Variants in TAB1 observed in about 807,000 individuals in gnomAD.
TAB1 encodes TGF-beta activated kinase 1 (MAP3K7) binding protein 1, also known as TGF-beta-activated kinase 1 and MAP3K7-binding protein 1.
In TAB1, 30 loss-of-function variants were observed where a neutral mutation model predicts 54.5. That is an observed-to-expected ratio of 0.55 (90% CI 0.41 to 0.75). The LOEUF is 0.75. Among genes scored for constraint, TAB1 ranks in the 30% least tolerant of loss-of-function variants. TAB1 has a pLI of 0.00. For synonymous variants in TAB1, 289 were observed against 286.9 expected (o/e 1.01, Z -0.07); for missense variants, 609 against 683.2 (o/e 0.89, Z 1.21).
At chr22:39,433,354 G>T, downstream of TAB1, 5 of 805,142 alleles carry the variant, frequency 6.2e-6, no homozygotes, top group Non-Finnish European at 7.5e-6. Context: ...TGGAGGCTGA[G>T]GCAGGAGAAT....
downstream of TAB1, among the ~76,000 whole-genome samples, chr22:39,436,144 G>A (rs1222686160): frequency 2.0e-5 from 3 of 151,254 alleles, no homozygotes; most frequent in Non-Finnish European, 4.4e-5. Flanking sequence ...ATACAAAAAA[G>A]TAGCCAGGCG....
chr22:39,433,811 T>C (rs1601704822), downstream of TAB1: 6 of 985,440 alleles, frequency 6.1e-6, no homozygotes, highest in Non-Finnish European at 7.2e-6. Flanking sequence ...TTTGCGGGGC[T>C]AGTTCCTTCT....
At chr22:39,414,920 G>C in intron 1 of TAB1, 86 bp from the exon 2 acceptor site, 1 of 1,548,754 alleles carries the variant, frequency 6.5e-7, no homozygotes, top group Non-Finnish European at 8.8e-7. Context: ...GGGCCTGCTA[G>C]GTTTTTGTTG....
chr22:39,405,706 G>A (rs1926331816), intron 1 of TAB1, among the ~76,000 whole-genome samples: 1 of 152,236 alleles, frequency 6.6e-6, no homozygotes, highest in African/African-American at 2.4e-5. Flanking sequence ...CGAGAGACTT[G>A]GCAGTCCTGT....
chr22:39,408,277 G>C (rs569082636), intron 1 of TAB1, among the ~76,000 whole-genome samples: 1 of 152,222 alleles, frequency 6.6e-6, no homozygotes, highest in Non-Finnish European at 1.5e-5. Flanking sequence ...CAGACACACA[G>C]TTTTTCTCAT....
At chr22:39,405,924 C>T (rs1926342814) in intron 1 of TAB1, among the ~76,000 whole-genome samples, 1 of 152,116 alleles carries the variant, frequency 6.6e-6, no homozygotes, top group South Asian at 2.1e-4. Context: ...CTGGCGAGCG[C>T]CCGAATTACG....
intron 10 of TAB1, chr22:39,429,035 G>T (rs1333003608): frequency 1.1e-5 from 11 of 985,186 alleles, no homozygotes; most frequent in African/African-American, 1.7e-5. Flanking sequence ...GAGTCCTCCA[G>T]CTGTGTCCAC....
chr22:39,417,878 A>C, intron 5 of TAB1, 29 bp downstream of exon 5: 2 of 1,578,630 alleles, frequency 1.3e-6, no homozygotes, highest in African/African-American at 2.7e-5. Flanking sequence ...CAGGGCAGGG[A>C]GGACTGGGGA....
chr22:39,414,749 G>C, intron 1 of TAB1: 1 of 479,476 alleles, frequency 2.1e-6, no homozygotes, highest in Non-Finnish European at 3.8e-6. Context: ...CACTCCTGGA[G>C]GTCATTGCTG....
chr22:39,418,651 C>T (rs1244944490), intron 5 of TAB1, 81 bp from the exon 6 acceptor site: 9 of 1,077,200 alleles, frequency 8.4e-6, no homozygotes, highest in South Asian at 1.3e-5. Flanking sequence ...GAAATGCCTG[C>T]CTTTTCCCTC....
intron 1 of TAB1, among the ~76,000 whole-genome samples, chr22:39,410,153 G>A (rs2145661044): frequency 6.6e-6 from 1 of 152,284 alleles, no homozygotes; most frequent in South Asian, 2.1e-4. Flanking sequence ...TGTCATCCAG[G>A]CTGGAGTGCA....
intron 10 of TAB1, among the ~76,000 whole-genome samples, chr22:39,428,433 A>G (rs1927443212): frequency 6.6e-6 from 1 of 152,220 alleles, no homozygotes; most frequent in Admixed American, 6.5e-5. Context: ...GGTTTCATTC[A>G]GTGGAAGGTT....
chr22:39,401,071 T>C (rs901524649), intron 1 of TAB1, among the ~76,000 whole-genome samples: 34 of 150,438 alleles, frequency 2.3e-4, no homozygotes, highest in Non-Finnish European at 4.1e-4. Flanking sequence ...AGTAAACTCC[T>C]TGAGGACAGG....
Position 39,419,641 on chromosome 22 carries a change from GCCCAGCTGT to G in TAB1, c.776+15_776+23del, listed in dbSNP as rs746974941. The G allele has an allele frequency of 4.4e-6, 7 of 1,583,538 alleles. No individual in the cohort carries two copies. Among genetic ancestry groups the G allele is most frequent in the Non-Finnish European group, 6.1e-6 (7 of 1,155,382 alleles). ...CATTGACCTTCTCAGGTAGGTGCCA[GCCCAGCTGT>G]CCCCTGTGCTTGAAAGAACAGAAGG... On this transcript the variant is annotated intron_variant, in intron 7 of 10. Transcript: ENST00000216160.
chr22:39,435,940 C>T (rs1202753099), downstream of TAB1, among the ~76,000 whole-genome samples: 1 of 152,146 alleles, frequency 6.6e-6, no homozygotes, highest in Non-Finnish European at 1.5e-5. Context: ...TCTCTTTGAT[C>T]CCCATCTCAT....
Position 39,417,866 on chromosome 22 carries a change from C to T in TAB1, c.550+17C>T. 6.3e-7 allele frequency: 1 copy of T among 1,593,430 alleles called. No homozygotes were observed. Among genetic ancestry groups the T allele is most frequent in the Non-Finnish European group, 8.5e-7 (1 of 1,170,158 alleles). On this transcript the variant is annotated intron_variant, in intron 5 of 10. Transcript: ENST00000216160. ...CCAATGTCGGTGAGCCCCCTCCTGTCCCAGGGCAGGGAGGACTGGGGAGAG... is the reference window on the plus strand; with the variant it reads ...CCAATGTCGGTGAGCCCCCTCCTGTTCCAGGGCAGGGAGGACTGGGGAGAG...
In TAB1 at chr22:39,431,350, C is replaced by G. The variant is rs996312492; in HGVS notation, c.*1128C>G. 12 of 985,380 alleles carry G rather than the reference C, an allele frequency of 1.2e-5. No individual in the cohort carries two copies. The highest frequency in any genetic ancestry group is 6.2e-5 in the Admixed American group (1 of 16,258). 61.0% of individuals were successfully genotyped at this position (985,380 alleles called of 1,614,324 possible). ...CACTCCTGTTTCAGAGGAAGCAGGCCGAGAGACTTGCACCTTGGCCAAGCC... is the reference window on the plus strand; with the variant it reads ...CACTCCTGTTTCAGAGGAAGCAGGCGGAGAGACTTGCACCTTGGCCAAGCC... On this transcript the variant is annotated 3_prime_UTR_variant, in exon 11 of 11. Coordinates refer to ENST00000216160, the MANE Select transcript of TAB1 (RefSeq NM_006116.3).
In TAB1 at chr22:39,431,808, G is replaced by A; in HGVS notation, c.*1586G>A. 1.0e-6 allele frequency: 1 copy of A among 985,470 alleles called. No individual in the cohort carries two copies. Among genetic ancestry groups the A allele is most frequent in the Non-Finnish European group, 1.2e-6 (1 of 829,940 alleles). 61.0% of individuals were successfully genotyped at this position (985,470 alleles called of 1,614,324 possible). ...AAGAATGCCTCTGTGGTGCTGTTTG[G>A]TCTCTAGAAACAGGGTCACTTTTTT... On this transcript the variant is annotated 3_prime_UTR_variant, in exon 11 of 11. Coordinates refer to ENST00000216160, the MANE Select transcript of TAB1 (RefSeq NM_006116.3).
rs1233000734 is a variant in TAB1 at position 39,430,224 on chromosome 22, G to A, written c.*2G>A. The A allele has an allele frequency of 6.2e-7, 1 of 1,611,150 alleles. No homozygotes were observed. Among genetic ancestry groups the A allele is most frequent in the African/African-American group, 1.3e-5 (1 of 74,938 alleles). On this transcript the variant is annotated 3_prime_UTR_variant, in exon 11 of 11. Transcript: ENST00000216160. ...CAGAGCGTGGTGACAGCACCGTAGG[G>A]CAGCCGGAGAATGCAGCCCAAGCAG...
Sources: allele counts gnomAD v4.1 joint callset (sites outside exome capture counted in the v4.1 genomes callset), GRCh38; gene constraint gnomAD v4.1.1; transcripts MANE v1.5; gene names NCBI Gene and HGNC (gene_info 2026-07-23, HGNC 2026-07-21).